The following SRBD1 variants were observed in gnomAD, a reference collection of about 807,000 sequenced individuals.
SRBD1 encodes S1 RNA binding domain 1, also known as S1 RNA-binding domain-containing protein 1.
A neutral mutation model predicts 115.3 loss-of-function variants in SRBD1; 88 were observed. That is an observed-to-expected ratio of 0.76 (90% CI 0.64 to 0.91). The LOEUF (loss-of-function observed/expected upper bound fraction) is 0.91. Ranked by LOEUF, SRBD1 falls within the 40% of genes least tolerant of loss-of-function variation. The pLI, the probability that SRBD1 is intolerant of heterozygous loss-of-function variation, is 0.00. For synonymous variants in SRBD1, 509 were observed against 407.7 expected, an observed-to-expected ratio of 1.25 and a Z score of -2.99; for missense variants, 1,385 against 1,177.4, an observed-to-expected ratio of 1.18 and a Z score of -2.58.
chr2:45,474,918 G>T (rs1216046206), intron 16 of SRBD1, among the ~76,000 whole-genome samples: 1 of 152,166 alleles, frequency 6.6e-6, no homozygotes, highest in Non-Finnish European at 1.5e-5. Flanking sequence ...TTCTGAATAT[G>T]CAGCTGATGA....
At chr2:45,414,437 CTATA>C (rs1667703035) in intron 18 of SRBD1, among the ~76,000 whole-genome samples, 1 of 151,052 alleles carries the variant, frequency 6.6e-6, no homozygotes. Flanking sequence ...TACATATACA[CTATA>C]TAGTATATAT....
chr2:45,550,320 A>C (rs1672256750), intron 12 of SRBD1, among the ~76,000 whole-genome samples: 1 of 152,132 alleles, frequency 6.6e-6, no homozygotes, highest in Non-Finnish European at 1.5e-5. Flanking sequence ...ATTCATGCAG[A>C]AAAGAAAAGA....
chr2:45,576,645 A>G (rs147694591), intron 7 of SRBD1, among the ~76,000 whole-genome samples: 1 of 152,350 alleles, frequency 6.6e-6, no homozygotes, highest in Non-Finnish European at 1.5e-5. Context: ...TATAACACAT[A>G]GAGCACTCAA....
intron 19 of SRBD1, among the ~76,000 whole-genome samples, chr2:45,400,347 GA>G (rs992377333): frequency 2.0e-5 from 3 of 151,646 alleles, no homozygotes; most frequent in Non-Finnish European, 4.4e-5. Context: ...TTGATGAAAA[GA>G]AAAAAAGGAG....
At chr2:45,551,019 T>G (rs1672281061) in intron 12 of SRBD1, 106 bp downstream of exon 12, 2 of 1,373,672 alleles carry the variant, frequency 1.5e-6, no homozygotes, top group Non-Finnish European at 9.6e-7. Context: ...AAACCACTTT[T>G]TAAGCCTTTA....
At chr2:45,522,645 C>T (rs1671321523) in intron 14 of SRBD1, among the ~76,000 whole-genome samples, 1 of 152,138 alleles carries the variant, frequency 6.6e-6, no homozygotes, top group African/African-American at 2.4e-5. Flanking sequence ...CCCTGAGATA[C>T]CAAGACCAAC....
chr2:45,547,845 G>C (rs1672169967), intron 12 of SRBD1, among the ~76,000 whole-genome samples: 1 of 152,124 alleles, frequency 6.6e-6, no homozygotes, highest in East Asian at 1.9e-4. Context: ...TGGAGAATAT[G>C]CTAGGATACC....
At chr2:45,535,849 G>A (rs17394457) in intron 14 of SRBD1, among the ~76,000 whole-genome samples, 51,266 of 151,716 alleles carry the variant, frequency 0.34, 9,587 homozygotes, top group Non-Finnish European at 0.43. Context: ...TTTACCCAAA[G>A]ATAATCATTA....
chr2:45,502,721 C>T (rs921702075), intron 14 of SRBD1, among the ~76,000 whole-genome samples: 1 of 151,880 alleles, frequency 6.6e-6, no homozygotes, highest in Admixed American at 6.6e-5. Flanking sequence ...TAGGATATAC[C>T]TAATGTAAAT....
At chr2:45,459,273 T>C (rs1163788637) in intron 16 of SRBD1, among the ~76,000 whole-genome samples, 1 of 152,202 alleles carries the variant, frequency 6.6e-6, no homozygotes, top group Admixed American at 6.5e-5. Flanking sequence ...CAACTTTAAA[T>C]GCCTATCTTT....
intron 1 of SRBD1, among the ~76,000 whole-genome samples, chr2:45,607,023 G>A (rs1030185253): frequency 3.9e-5 from 6 of 152,266 alleles, no homozygotes; most frequent in African/African-American, 1.4e-4. Context: ...CACAATGATT[G>A]GGCAAAATAG....
chr2:45,454,660 GACCAA>G (rs2103753608), intron 16 of SRBD1, among the ~76,000 whole-genome samples: 1 of 151,828 alleles, frequency 6.6e-6, no homozygotes, highest in South Asian at 2.1e-4. Flanking sequence ...AAGTCTTATT[GACCAA>G]ACTCAAGCGA....
At chr2:45,476,690 T>A (rs1219823960) in intron 16 of SRBD1, among the ~76,000 whole-genome samples, 1 of 152,244 alleles carries the variant, frequency 6.6e-6, no homozygotes, top group Non-Finnish European at 1.5e-5. Context: ...CCACCATTTT[T>A]ATAATAATGT....
In SRBD1 at chr2:45,512,024, T is replaced by C. The variant is rs187544821; in HGVS notation, c.1875-23693A>G. ...AGCATGGCTACGTGATTTGCTTTGCTTTATCCTGCAAAGAGGCTGAAATAC... is the reference window on the plus strand; with the variant it reads ...AGCATGGCTACGTGATTTGCTTTGCCTTATCCTGCAAAGAGGCTGAAATAC... On this transcript the variant is annotated intron_variant, in intron 14 of 20. Coordinates refer to ENST00000263736, the MANE Select transcript of SRBD1 (RefSeq NM_018079.5). 6.3e-4 allele frequency among the ~76,000 whole-genome samples: 96 copies of C among 152,348 alleles called. 1 individual carries two copies. The highest frequency in any genetic ancestry group is 2.6e-3 in the Admixed American group (40 of 15,302).
chr2:45,564,452 A>T (rs779778246), intron 9 of SRBD1, among the ~76,000 whole-genome samples: 7 of 152,206 alleles, frequency 4.6e-5, no homozygotes, highest in Admixed American at 2.0e-4. Flanking sequence ...GGAAAGGAAG[A>T]TGTAAAACTT....
chr2:45,557,380 C>T (rs552411054), intron 10 of SRBD1, among the ~76,000 whole-genome samples: 1 of 152,336 alleles, frequency 6.6e-6, no homozygotes, highest in South Asian at 2.1e-4. Flanking sequence ...CTTTAAGCCA[C>T]TGCTTGCAGG....
intron 14 of SRBD1, among the ~76,000 whole-genome samples, chr2:45,535,267 AC>A (rs1671730025): frequency 6.6e-6 from 1 of 152,014 alleles, no homozygotes; most frequent in South Asian, 2.1e-4. Context: ...GTATTAAGAG[AC>A]TATCAATAGC....
At position 45,419,770 on chromosome 2, in the gene SRBD1, G is replaced by C. The variant is rs1348656849; in HGVS notation, c.2156+18C>G. 1 of 1,606,440 alleles carries C rather than the reference G, an allele frequency of 6.2e-7. No homozygotes were observed. Among genetic ancestry groups the C allele is most frequent in the South Asian group, 1.1e-5 (1 of 90,892 alleles). ...TAAACTCAAGATTCTGTGATCTTCA[G>C]CCACATATTTGTCTCACCTTAACAA... On this transcript the variant is annotated intron_variant, in intron 17 of 20. Transcript: ENST00000263736.
In SRBD1 at chr2:45,396,939, A is replaced by G. The variant is rs1667161841; in HGVS notation, c.2514-3810T>C. ...AGTACGTGCTTTGTGGGCAAAACAT[A>G]TGATTTACAACTCCACCAAGAACCA... On this transcript the variant is annotated intron_variant, in intron 19 of 20. Transcript: ENST00000263736. 2.6e-5 allele frequency among the ~76,000 whole-genome samples: 4 copies of G among 152,312 alleles called. No homozygotes were observed. The South Asian group carries it at 8.3e-4, about 32-fold the overall frequency.
Sources: gnomAD v4.1 joint callset for allele counts (sites outside exome capture counted in the v4.1 genomes callset) on GRCh38, gnomAD v4.1.1 for gene constraint, MANE v1.5 for transcripts, NCBI Gene and HGNC (gene_info 2026-07-23, HGNC 2026-07-21) for gene names.